The following COL4A4 variants were observed in gnomAD, a reference collection of about 807,000 sequenced individuals.
COL4A4 encodes collagen alpha-4(IV) chain.
A neutral mutation model predicts 192.9 loss-of-function variants in COL4A4; 105 were observed. The observed-to-expected ratio is 0.54, with a 90% confidence interval of 0.46 to 0.64. COL4A4 has a LOEUF of 0.64. COL4A4 is among the 30% of genes least tolerant of loss of function. The pLI, the probability that COL4A4 is intolerant of heterozygous loss-of-function variation, is 0.00. For synonymous variants in COL4A4, 762 were observed against 769.9 expected (o/e 0.99, Z 0.17); for missense variants, 1,967 against 2,169.3 (o/e 0.91, Z 1.85).
At chr2:226,968,290 A>G in the COL4A4 span, among the ~76,000 whole-genome samples, 57 of 152,312 alleles carry the variant, frequency 3.7e-4, no homozygotes, top group Non-Finnish European at 4.4e-5. Flanking sequence ...ATTGCAAGGA[A>G]GTGCCTATGT....
chr2:227,026,779 A>G (rs1196571722), intron 42 of COL4A4, among the ~76,000 whole-genome samples: 2 of 152,206 alleles, frequency 1.3e-5, no homozygotes, highest in African/African-American at 4.8e-5. Context: ...CTATAGAGTT[A>G]AACTGAATAG....
At chr2:226,967,450 T>G in the COL4A4 span, among the ~76,000 whole-genome samples, 1 of 152,110 alleles carries the variant, frequency 6.6e-6, no homozygotes, top group African/African-American at 2.4e-5. Flanking sequence ...TTGTTACATA[T>G]GTATACATGT....
Position 227,094,129 on chromosome 2 carries a change from T to C in COL4A4, c.1365A>G (p.Ser455=), listed in dbSNP as rs200778061. 2 of 1,613,774 alleles carry C rather than the reference T, an allele frequency of 1.2e-6. No individual in the cohort carries two copies. The highest frequency in any genetic ancestry group is 1.7e-6 in the Non-Finnish European group (2 of 1,179,840). The change falls in exon 20 of 48, where the codon TCA becomes TCG. Residue 455 remains serine (S), a synonymous_variant. Transcript: ENST00000396625. ...TATGAATAAGGAGTACTTTACCACTTGATCCTGGGAGGCCCTGCAGGCCTG... is the reference window on the plus strand; with the variant it reads ...TATGAATAAGGAGTACTTTACCACTCGATCCTGGGAGGCCCTGCAGGCCTG... ...GAPGLQGLPG[S]SVIYCSVGNP... is the part of the protein sequence containing the mutation.
intron 1 of COL4A4, among the ~76,000 whole-genome samples, chr2:227,159,872 T>C (rs2064679412): frequency 6.6e-6 from 1 of 152,246 alleles, no homozygotes. Flanking sequence ...AACAGACTAA[T>C]ACACTTAACA....
chr2:227,115,045 C>T (rs897274350), intron 7 of COL4A4, among the ~76,000 whole-genome samples: 3 of 150,908 alleles, frequency 2.0e-5, no homozygotes, highest in South Asian at 2.1e-4. Flanking sequence ...AACAGTAAAA[C>T]GTATATATAT....
chr2:227,138,821 A>C (rs1004938022), intron 4 of COL4A4, among the ~76,000 whole-genome samples: 3 of 152,156 alleles, frequency 2.0e-5, no homozygotes, highest in African/African-American at 7.2e-5. Flanking sequence ...GTAAAGATGA[A>C]GCAATACCAT....
intron 4 of COL4A4, among the ~76,000 whole-genome samples, chr2:227,139,931 T>C (rs1266500541): frequency 1.3e-5 from 2 of 152,184 alleles, no homozygotes; most frequent in Non-Finnish European, 2.9e-5. Context: ...TTCACAAGAC[T>C]AGTGTCATAT....
At chr2:227,158,847 T>C (rs1215783734) in intron 1 of COL4A4, among the ~76,000 whole-genome samples, 1 of 152,168 alleles carries the variant, frequency 6.6e-6, no homozygotes, top group Non-Finnish European at 1.5e-5. Flanking sequence ...GGAACTCCTA[T>C]GCATGGTATT....
chr2:226,987,136 A>G, the COL4A4 span, among the ~76,000 whole-genome samples: 7 of 152,200 alleles, frequency 4.6e-5, no homozygotes. Flanking sequence ...ATGAGAACAC[A>G]TGGACACAGA....
At chr2:227,162,411 AC>A (rs1488199447) in intron 1 of COL4A4, among the ~76,000 whole-genome samples, 1 of 152,186 alleles carries the variant, frequency 6.6e-6, no homozygotes, top group Non-Finnish European at 1.5e-5. Flanking sequence ...AAAATTAAAT[AC>A]TGTCAGTTTG....
At chr2:227,010,643 C>T (rs1287232160) in intron 45 of COL4A4, 142 bp from the exon 46 acceptor site, 3 of 618,692 alleles carry the variant, frequency 4.8e-6, no homozygotes, top group Non-Finnish European at 8.3e-6. Flanking sequence ...CCTTCTGGAA[C>T]GTACACAGCT....
At chr2:227,145,824 A>C (rs2063512862) in intron 2 of COL4A4, among the ~76,000 whole-genome samples, 1 of 152,170 alleles carries the variant, frequency 6.6e-6, no homozygotes, top group Non-Finnish European at 1.5e-5. Flanking sequence ...CTCCCACACT[A>C]AATTTCCTCT....
chr2:227,121,505 A>G (rs2061784045), intron 4 of COL4A4, among the ~76,000 whole-genome samples: 1 of 148,582 alleles, frequency 6.7e-6, no homozygotes, highest in South Asian at 2.1e-4. Flanking sequence ...CCGAGGTTGC[A>G]GTGAGCTGAT....
chr2:227,019,888 AACT>A (rs542826817), intron 44 of COL4A4, among the ~76,000 whole-genome samples: 261 of 152,340 alleles, frequency 1.7e-3, no homozygotes, highest in Non-Finnish European at 3.3e-3. Context: ...GCTAGTCTCA[AACT>A]CCTGACCTCA....
At chr2:227,060,062 A>T in intron 27 of COL4A4, 74 bp downstream of exon 27, 1 of 933,120 alleles carries the variant, frequency 1.1e-6, no homozygotes, top group Non-Finnish European at 1.6e-6. Context: ...ATCCATCGGT[A>T]GAAATGTTAA....
At chr2:227,013,105 A>G (rs1018066601) in intron 44 of COL4A4, among the ~76,000 whole-genome samples, 2 of 152,168 alleles carry the variant, frequency 1.3e-5, no homozygotes, top group Non-Finnish European at 2.9e-5. Context: ...TTAAGTATGC[A>G]GTTACTTTTT....
intron 3 of COL4A4, among the ~76,000 whole-genome samples, chr2:227,142,734 T>G (rs1576834335): frequency 1.3e-5 from 2 of 148,252 alleles, no homozygotes; most frequent in Admixed American, 1.4e-4. Context: ...CCAGCTTGGG[T>G]GACACAGTGA....
chr2:227,153,834 A>G (rs79959911), intron 1 of COL4A4, among the ~76,000 whole-genome samples: 6,421 of 152,278 alleles, frequency 0.042, 204 homozygotes, highest in Admixed American at 0.085. Flanking sequence ...AGAAGGACAG[A>G]TGGTTTCATG....
At chr2:227,000,424 CATT>C (rs556112318), downstream of COL4A4, among the ~76,000 whole-genome samples, 143 of 152,338 alleles carry the variant, frequency 9.4e-4, no homozygotes, top group African/African-American at 3.3e-3. Context: ...TCTTACTCCT[CATT>C]ATACAATTTT....
Sources: allele counts gnomAD v4.1 joint callset (sites outside exome capture counted in the v4.1 genomes callset), GRCh38; gene constraint gnomAD v4.1.1; transcripts MANE v1.5; gene names NCBI Gene and HGNC (gene_info 2026-07-23, HGNC 2026-07-21).